Variants in DYNC1I1 observed in about 807,000 individuals in gnomAD.
The protein encoded by DYNC1I1 is cytoplasmic dynein 1 intermediate chain 1.
In DYNC1I1, 43 loss-of-function variants were observed where a neutral mutation model predicts 86.6. The observed-to-expected ratio is 0.50, with a 90% confidence interval of 0.39 to 0.64. DYNC1I1 has a LOEUF of 0.64. DYNC1I1 is among the 30% of genes least tolerant of loss of function. DYNC1I1 has a pLI of 0.00. For missense variants in DYNC1I1, 604 were observed against 788.8 expected, an observed-to-expected ratio of 0.77 and a Z score of 2.81; for synonymous variants, 262 against 283.7, an observed-to-expected ratio of 0.92 and a Z score of 0.77.
chr7:95,791,708 A>G lies in DYNC1I1; in HGVS notation c.-9-13013A>G, dbSNP rs1257662580. On this transcript the variant is annotated intron_variant, in intron 1 of 16. Coordinates refer to ENST00000447467, the MANE Select transcript of DYNC1I1 (RefSeq NM_001135556.2). ...GAGATTGTCAATTATAAATTAATGG[A>G]TTTTGCTAAATCATCCTTTTAGAGT... is the stretch of plus-strand genomic sequence containing the variant. Among the ~76,000 whole-genome samples the G allele has an allele frequency of 1.3e-5, 2 of 152,222 alleles. 1 individual carries two copies.
At chr7:95,818,546 T>A (rs1188675073) in intron 4 of DYNC1I1, 1 of 669,730 alleles carries the variant, frequency 1.5e-6, no homozygotes. Flanking sequence ...ACTTCTGGCC[T>A]CAAATGATTC....
intron 1 of DYNC1I1, among the ~76,000 whole-genome samples, chr7:95,784,203 G>T (rs1794068735): frequency 1.3e-5 from 2 of 152,098 alleles, no homozygotes; most frequent in African/African-American, 2.4e-5. Flanking sequence ...TATTCTGATA[G>T]ATCTGGTAAT....
At chr7:95,958,190 A>G (rs1792769653) in intron 6 of DYNC1I1, among the ~76,000 whole-genome samples, 1 of 152,340 alleles carries the variant, frequency 6.6e-6, no homozygotes. Context: ...AACCATAGAA[A>G]GACTCTCAAA....
intron 15 of DYNC1I1, among the ~76,000 whole-genome samples, chr7:96,079,091 T>G (rs983558816): frequency 6.6e-6 from 1 of 152,146 alleles, no homozygotes; most frequent in African/African-American, 2.4e-5. Context: ...AGAATTTTTA[T>G]TGATTTCAAG....
chr7:96,058,289 CTT>C (rs1562988662), intron 14 of DYNC1I1, among the ~76,000 whole-genome samples: 1 of 152,158 alleles, frequency 6.6e-6, no homozygotes, highest in Non-Finnish European at 1.5e-5. Context: ...GTGTTTTTAA[CTT>C]TGATAAGAAT....
intron 1 of DYNC1I1, among the ~76,000 whole-genome samples, chr7:95,796,883 T>A (rs530205199): frequency 2.2e-4 from 34 of 152,186 alleles, no homozygotes; most frequent in Admixed American, 6.5e-4. Context: ...TATCTGTCTT[T>A]TCTACTGTGT....
chr7:95,826,690 G>C (rs1172172062), intron 4 of DYNC1I1, among the ~76,000 whole-genome samples: 1 of 152,112 alleles, frequency 6.6e-6, no homozygotes. Flanking sequence ...AATAAAGCAG[G>C]GGAAAGGAAG....
rs548877409 is a variant in DYNC1I1, at chr7:96,092,854, C to T, written c.1777-4629C>T. Among the ~76,000 whole-genome samples, 97 of 152,248 alleles carry T rather than the reference C, an allele frequency of 6.4e-4. 1 individual carries two copies. The South Asian group carries it at 0.019, about 30-fold the overall frequency. ...AGAATCTTAGAAGATTTAAAACAAT[C>T]TTTACAATCTTTGAGCAGGTGATTC... On this transcript the variant is annotated intron_variant, in intron 16 of 16. Transcript: ENST00000447467.
chr7:96,031,492 C>T (rs985526540), intron 11 of DYNC1I1, among the ~76,000 whole-genome samples: 1 of 152,088 alleles, frequency 6.6e-6, no homozygotes, highest in East Asian at 1.9e-4. Flanking sequence ...GAAAAAACTC[C>T]CCCAGGATAC....
chr7:96,057,683 A>C (rs1789621307), intron 14 of DYNC1I1, among the ~76,000 whole-genome samples: 1 of 152,040 alleles, frequency 6.6e-6, no homozygotes, highest in Admixed American at 6.6e-5. Flanking sequence ...CCTCTTTTCC[A>C]CTGAGCTGTA....
chr7:95,926,837 G>T (rs1405187298), intron 6 of DYNC1I1, among the ~76,000 whole-genome samples: 1 of 152,060 alleles, frequency 6.6e-6, no homozygotes, highest in East Asian at 1.9e-4. Context: ...GCCCTCTCCT[G>T]AGACTCTTTT....
At chr7:95,990,756 A>G (rs1793708788) in intron 9 of DYNC1I1, among the ~76,000 whole-genome samples, 1 of 152,212 alleles carries the variant, frequency 6.6e-6, no homozygotes, top group Non-Finnish European at 1.5e-5. Context: ...TTGGCTGGAC[A>G]CAGTGGCTCA....
At chr7:95,910,580 TG>T (rs1791307188) in intron 6 of DYNC1I1, among the ~76,000 whole-genome samples, 1 of 152,116 alleles carries the variant, frequency 6.6e-6, no homozygotes, top group African/African-American at 2.4e-5. Context: ...GAGGCAGGTG[TG>T]CTGGGGCCAG....
intron 14 of DYNC1I1, among the ~76,000 whole-genome samples, chr7:96,043,823 C>A (rs939099411): frequency 8.6e-5 from 13 of 152,016 alleles, no homozygotes; most frequent in Non-Finnish European, 1.5e-5. Flanking sequence ...AATTCTCCTG[C>A]CTTAGCCTTC....
intron 6 of DYNC1I1, among the ~76,000 whole-genome samples, chr7:95,928,868 G>A (rs568268089): frequency 1.3e-5 from 2 of 152,112 alleles, no homozygotes; most frequent in Non-Finnish European, 2.9e-5. Flanking sequence ...AAATTATGAA[G>A]CATAAGTGGT....
intron 6 of DYNC1I1, among the ~76,000 whole-genome samples, chr7:95,974,116 TTAAA>T (rs1476181794): frequency 6.6e-6 from 1 of 152,226 alleles, no homozygotes; most frequent in Non-Finnish European, 1.5e-5. Context: ...TCACTCTGTT[TTAAA>T]TTGAGACTCT....
chr7:96,015,663 G>A (rs538280659), intron 10 of DYNC1I1, among the ~76,000 whole-genome samples: 10 of 152,128 alleles, frequency 6.6e-5, no homozygotes, highest in African/African-American at 2.4e-4. Flanking sequence ...TAAATGTTCC[G>A]GTAAGAGGGA....
At chr7:95,818,002 A>T (rs1794984907) in intron 4 of DYNC1I1, among the ~76,000 whole-genome samples, 1 of 152,218 alleles carries the variant, frequency 6.6e-6, no homozygotes, top group South Asian at 2.1e-4. Flanking sequence ...TGTAGGCTAC[A>T]ACCTGTCCCA....
intron 6 of DYNC1I1, among the ~76,000 whole-genome samples, chr7:95,976,537 A>G (rs1226772802): frequency 6.6e-6 from 1 of 152,144 alleles, no homozygotes; most frequent in Non-Finnish European, 1.5e-5. Flanking sequence ...AGAGCTTGAG[A>G]TTTTATAGGT....
Sources: allele counts gnomAD v4.1 joint callset (sites outside exome capture counted in the v4.1 genomes callset), GRCh38; gene constraint gnomAD v4.1.1; transcripts MANE v1.5; gene names NCBI Gene and HGNC (gene_info 2026-07-23, HGNC 2026-07-21).